Variants in LRP1B observed in about 807,000 individuals in gnomAD.
LRP1B encodes LDL receptor related protein 1B.
LRP1B carries 217 observed loss-of-function variants against 556.6 expected under a neutral mutation model. That is an observed-to-expected ratio of 0.39 (90% CI 0.35 to 0.44). The LOEUF is 0.44. Ranked by LOEUF, LRP1B falls within the 20% of genes least tolerant of loss-of-function variation. The probability of loss-of-function intolerance (pLI) is 1.00; values close to 1 mark genes in which losing one functional copy is unlikely to be tolerated. For missense variants in LRP1B, 5,053 were observed against 5,620.8 expected, an observed-to-expected ratio of 0.90 and a Z score of 3.23; for synonymous variants, 2,047 against 1,865.8, an observed-to-expected ratio of 1.10 and a Z score of -2.50.
chr2:140,546,371 C>T (rs1187916502), intron 43 of LRP1B, among the ~76,000 whole-genome samples: 1 of 151,942 alleles, frequency 6.6e-6, no homozygotes, highest in Admixed American at 6.6e-5. Context: ...CATTCTTATG[C>T]TGCTAATAAA....
rs770295377 is a variant in LRP1B, at chr2:140,903,118, C to T, written c.3568G>A (p.Val1190Ile). The T allele has an allele frequency of 4.3e-6, 7 of 1,613,484 alleles. No homozygotes were observed. The Admixed American group carries it at 8.3e-5, about 19-fold the overall frequency. The change falls in exon 23 of 91, where the codon GTT (valine) becomes ATT (isoleucine). Residue 1190 changes from valine (V) to isoleucine (I), a missense_variant. Val to Ile is a conservative substitution (Grantham distance 29). Transcript: ENST00000389484. Reference protein sequence around the residue: ...NGGCSNHCSVVPGRGIVCSCP... With the variant: ...NGGCSNHCSVIPGRGIVCSCP... ...GAACAGACAATTCCTCTTCCAGGAA[C>T]AACAGAACAGTGGTTGCTACAGCCT... is the stretch of plus-strand genomic sequence containing the variant.
At chr2:141,666,569 A>G (rs1392127725) in intron 2 of LRP1B, among the ~76,000 whole-genome samples, 3 of 152,150 alleles carry the variant, frequency 2.0e-5, no homozygotes, top group Non-Finnish European at 2.9e-5. Context: ...ACCTTCTACT[A>G]AAGTCTTTCA....
At chr2:142,088,443 A>T (rs1174987091) in intron 1 of LRP1B, among the ~76,000 whole-genome samples, 2 of 152,180 alleles carry the variant, frequency 1.3e-5, no homozygotes. Flanking sequence ...TATAAGCCAT[A>T]GTGAGTGAAA....
intron 20 of LRP1B, among the ~76,000 whole-genome samples, chr2:140,947,004 A>G (rs1455658076): frequency 3.3e-5 from 5 of 152,168 alleles, no homozygotes; most frequent in Non-Finnish European, 7.4e-5. Context: ...TGGGAACAAT[A>G]GAGTCTCCAA....
At chr2:140,317,046 G>C (rs1684556594) in intron 82 of LRP1B, among the ~76,000 whole-genome samples, 2 of 152,106 alleles carry the variant, frequency 1.3e-5, no homozygotes, top group African/African-American at 4.8e-5. Context: ...CAGACCTATG[G>C]GTGAGCACTG....
At chr2:140,254,402 G>A (rs1681584974) in intron 86 of LRP1B, among the ~76,000 whole-genome samples, 1 of 152,134 alleles carries the variant, frequency 6.6e-6, no homozygotes, top group South Asian at 2.1e-4. Flanking sequence ...CTGAAATACT[G>A]ATGTTAGCTA....
At chr2:141,729,134 G>C (rs1010141146) in intron 2 of LRP1B, among the ~76,000 whole-genome samples, 2 of 152,120 alleles carry the variant, frequency 1.3e-5, no homozygotes, top group Non-Finnish European at 2.9e-5. Context: ...AAGGGAGCCT[G>C]GCCATTAGGA....
At chr2:141,018,944 C>A (rs1697988176) in intron 12 of LRP1B, among the ~76,000 whole-genome samples, 1 of 151,914 alleles carries the variant, frequency 6.6e-6, no homozygotes, top group African/African-American at 2.4e-5. Context: ...GATTCACATG[C>A]CTCCTATACA....
At chr2:141,477,672 T>C (rs1486634178) in intron 3 of LRP1B, among the ~76,000 whole-genome samples, 1 of 152,202 alleles carries the variant, frequency 6.6e-6, no homozygotes, top group Admixed American at 6.5e-5. Context: ...ATTTTCTCAA[T>C]GCAGAAAGAT....
chr2:140,913,067 T>G (rs942986623), intron 21 of LRP1B, among the ~76,000 whole-genome samples: 1 of 151,822 alleles, frequency 6.6e-6, no homozygotes, highest in African/African-American at 2.4e-5. Flanking sequence ...AAAGTCTAAA[T>G]GGATTTACTT....
chr2:140,942,952 A>G (rs2105289104), intron 20 of LRP1B, among the ~76,000 whole-genome samples: 1 of 152,234 alleles, frequency 6.6e-6, no homozygotes, highest in African/African-American at 2.4e-5. Context: ...TTGAATGTAA[A>G]TAGTCTAAAT....
intron 66 of LRP1B, among the ~76,000 whole-genome samples, chr2:140,411,926 A>G (rs1684983970): frequency 6.6e-6 from 1 of 152,060 alleles, no homozygotes. Context: ...GCTATCAAGA[A>G]ACTTCTCAGG....
intron 60 of LRP1B, among the ~76,000 whole-genome samples, chr2:140,468,170 A>G (rs79237325): frequency 0.015 from 2,334 of 152,246 alleles, 60 homozygotes; most frequent in African/African-American, 0.051. Context: ...CCCACCTTTC[A>G]GTGTGGTGCT....
chr2:141,213,820 T>G (rs910678552), intron 6 of LRP1B, among the ~76,000 whole-genome samples: 1 of 151,250 alleles, frequency 6.6e-6, no homozygotes, highest in Non-Finnish European at 1.5e-5. Flanking sequence ...TTTTTACTGG[T>G]TTTTTTTTCC....
chr2:140,399,514 T>C (rs1684402962), intron 66 of LRP1B, among the ~76,000 whole-genome samples: 1 of 152,216 alleles, frequency 6.6e-6, no homozygotes, highest in Non-Finnish European at 1.5e-5. Context: ...GGCCACAGTT[T>C]ATACAGCTTA....
intron 7 of LRP1B, among the ~76,000 whole-genome samples, chr2:141,160,456 G>A (rs1335327013): frequency 6.6e-6 from 1 of 152,020 alleles, no homozygotes; most frequent in East Asian, 1.9e-4. Context: ...CCTATAGACA[G>A]ATTTTCATAG....
At chr2:140,893,569 G>T (rs1163496714) in intron 23 of LRP1B, among the ~76,000 whole-genome samples, 2 of 152,118 alleles carry the variant, frequency 1.3e-5, no homozygotes, top group African/African-American at 2.4e-5. Context: ...ATTTCCGTAG[G>T]TATAAAATCA....
At position 141,213,415 on chromosome 2, in the gene LRP1B, C is replaced by A. The variant is rs183980758; in HGVS notation, c.850+15768G>T. On this transcript the variant is annotated intron_variant, in intron 6 of 90. Coordinates refer to ENST00000389484, the MANE Select transcript of LRP1B (RefSeq NM_018557.3). ...GCAGCTCGGGGCATCAGTCAGGAAC[C>A]AGCCCTGGACAGGCCACCATTTCAT... Among the ~76,000 whole-genome samples, 159 of 152,260 alleles carry A rather than the reference C, an allele frequency of 1.0e-3. 1 individual carries two copies. Among genetic ancestry groups the A allele is most frequent in the Non-Finnish European group, 1.3e-3 (88 of 68,026 alleles).
chr2:141,752,945 G>GAAAAAAAA (rs70994450), intron 2 of LRP1B, among the ~76,000 whole-genome samples: 11,015 of 28,026 alleles, frequency 0.39, 3,628 homozygotes, highest in East Asian at 0.68. Context: ...CCCTGTCTCA[G>GAAAAAAAA]AAAAAAAAAA....
Sources: gnomAD v4.1 joint callset for allele counts (sites outside exome capture counted in the v4.1 genomes callset) on GRCh38, gnomAD v4.1.1 for gene constraint, MANE v1.5 for transcripts, NCBI Gene and HGNC (gene_info 2026-07-23, HGNC 2026-07-21) for gene names.